PTPRM: variants seen among roughly 807,000 people sequenced by gnomAD.
PTPRM encodes receptor-type tyrosine-protein phosphatase mu.
PTPRM carries 47 observed loss-of-function variants against 186.7 expected under a neutral mutation model. The ratio of observed to expected loss-of-function variants is 0.25; its 90% CI spans 0.20 to 0.32. The LOEUF is 0.32. Ranked by LOEUF, PTPRM falls within the 10% of genes least tolerant of loss-of-function variation. The pLI is 1.00. For missense variants in PTPRM, 1,494 were observed against 1,865.0 expected (o/e 0.80, Z 3.66); for synonymous variants, 668 against 674.9 (o/e 0.99, Z 0.16).
intron 1 of PTPRM, among the ~76,000 whole-genome samples, chr18:7,680,740 CT>C (rs764012018): frequency 2.0e-5 from 3 of 152,184 alleles, no homozygotes; most frequent in Non-Finnish European, 2.9e-5. Flanking sequence ...TGGTTTTCGG[CT>C]TCCTGGTGAA....
chr18:8,333,181 C>T (rs189709399), intron 22 of PTPRM, among the ~76,000 whole-genome samples: 1 of 152,226 alleles, frequency 6.6e-6, no homozygotes, highest in East Asian at 1.9e-4. Context: ...AAATCATGTC[C>T]CTTATACCCA....
At chr18:8,079,875 T>G (rs1052242975) in intron 9 of PTPRM, among the ~76,000 whole-genome samples, 9 of 152,098 alleles carry the variant, frequency 5.9e-5, no homozygotes, top group Admixed American at 1.3e-4. Flanking sequence ...TTTTCAGCAC[T>G]TACAGCAGTC....
chr18:8,111,308 G>A (rs1056991637), intron 11 of PTPRM, among the ~76,000 whole-genome samples: 4 of 152,178 alleles, frequency 2.6e-5, no homozygotes, highest in African/African-American at 9.6e-5. Context: ...TTTGAAGGAA[G>A]TGATGTTAAA....
intron 1 of PTPRM, among the ~76,000 whole-genome samples, chr18:7,592,435 G>T (rs979520971): frequency 6.6e-6 from 1 of 152,198 alleles, no homozygotes; most frequent in African/African-American, 2.4e-5. Context: ...TGCCCCAAGG[G>T]TGTCATCAAA....
chr18:7,980,329 C>T (rs2082480229), intron 7 of PTPRM, among the ~76,000 whole-genome samples: 1 of 152,096 alleles, frequency 6.6e-6, no homozygotes, highest in African/African-American at 2.4e-5. Context: ...TTATTGCACC[C>T]ATGTTCACTC....
chr18:7,973,616 C>T (rs2054725799), intron 7 of PTPRM, among the ~76,000 whole-genome samples: 1 of 151,940 alleles, frequency 6.6e-6, no homozygotes, highest in South Asian at 2.1e-4. Context: ...CATATGTTTT[C>T]AAAATATTTT....
intron 7 of PTPRM, among the ~76,000 whole-genome samples, chr18:7,957,897 A>G (rs545415287): frequency 2.2e-4 from 34 of 152,316 alleles, no homozygotes; most frequent in Admixed American, 1.1e-3. Context: ...AGAGTACCTA[A>G]AGAGCAAATC....
chr18:8,163,807 A>G (rs1164322192), intron 14 of PTPRM, among the ~76,000 whole-genome samples: 3 of 152,332 alleles, frequency 2.0e-5, no homozygotes, highest in South Asian at 4.1e-4. Context: ...CCTAACACCA[A>G]CAATTATTTA....
At chr18:7,950,742 T>C (rs9949297) in intron 6 of PTPRM, among the ~76,000 whole-genome samples, 2,487 of 152,298 alleles carry the variant, frequency 0.016, 54 homozygotes, top group African/African-American at 0.057. Context: ...TCTGGTCCAG[T>C]CTGTCAGTGG....
At chr18:7,939,632 G>A (rs2052043825) in intron 5 of PTPRM, among the ~76,000 whole-genome samples, 1 of 152,098 alleles carries the variant, frequency 6.6e-6, no homozygotes, top group African/African-American at 2.4e-5. Context: ...TCATCATTAT[G>A]GTTATTTCAC....
Position 7,788,981 on chromosome 18 carries a change from T to C in PTPRM, c.196+14710T>C, listed in dbSNP as rs933245515. ...TTCTCCTTTTTTTTCAGTAAATACTTATGAAGTATGTACTGTGGAATAGCT... is the reference window on the plus strand; with the variant it reads ...TTCTCCTTTTTTTTCAGTAAATACTCATGAAGTATGTACTGTGGAATAGCT... On this transcript the variant is annotated intron_variant, in intron 2 of 32. Transcript: ENST00000580170. 2.8e-4 allele frequency among the ~76,000 whole-genome samples: 43 copies of C among 152,016 alleles called. 1 individual carries two copies. The highest frequency in any genetic ancestry group is 2.8e-3 in the Admixed American group (43 of 15,266).
rs541307909 is a variant in PTPRM, at chr18:8,079,126, T to C, written c.1551+2562T>C. Among the ~76,000 whole-genome samples the C allele has an allele frequency of 7.2e-5, 11 of 152,334 alleles. No individual in the cohort carries two copies. The South Asian group carries it at 2.3e-3, about 32-fold the overall frequency. ...ACAGCATTGTTTTTTCCAGGAGTTA[T>C]GGCAGTTCACAGCCTTACATCATTC... On this transcript the variant is annotated intron_variant, in intron 9 of 32. Coordinates refer to ENST00000580170, the MANE Select transcript of PTPRM (RefSeq NM_001105244.2).
chr18:7,747,809 C>T (rs532508389), intron 1 of PTPRM, among the ~76,000 whole-genome samples: 14 of 151,946 alleles, frequency 9.2e-5, no homozygotes, highest in South Asian at 2.1e-4. Context: ...TCTGAGGTCC[C>T]GAGGGGTTAG....
At chr18:7,775,014 G>A (rs1030723013) in intron 2 of PTPRM, among the ~76,000 whole-genome samples, 17 of 152,128 alleles carry the variant, frequency 1.1e-4, no homozygotes, top group African/African-American at 2.4e-4. Flanking sequence ...GAAACATGTT[G>A]TTCTGATTTG....
intron 20 of PTPRM, among the ~76,000 whole-genome samples, chr18:8,304,261 GTT>G (rs1184174745): frequency 6.6e-6 from 1 of 152,156 alleles, no homozygotes; most frequent in African/African-American, 2.4e-5. Flanking sequence ...TAAACGTAAT[GTT>G]ACCTGATGGA....
At chr18:7,585,312 G>A (rs374225483) in intron 1 of PTPRM, among the ~76,000 whole-genome samples, 1 of 152,172 alleles carries the variant, frequency 6.6e-6, no homozygotes, top group African/African-American at 2.4e-5. Context: ...GTGAGTTTTC[G>A]AAGGCTGTGG....
chr18:7,620,509 A>C (rs1296402741), intron 1 of PTPRM, among the ~76,000 whole-genome samples: 1 of 152,152 alleles, frequency 6.6e-6, no homozygotes, highest in Non-Finnish European at 1.5e-5. Flanking sequence ...GGAGATTCAC[A>C]TGCTTTCATC....
chr18:7,974,242 G>A (rs1162130754), intron 7 of PTPRM, among the ~76,000 whole-genome samples: 1 of 152,172 alleles, frequency 6.6e-6, no homozygotes, highest in African/African-American at 2.4e-5. Context: ...TAATATTTTT[G>A]AGCATCTGCT....
At chr18:8,268,940 G>A (rs2094736266) in intron 19 of PTPRM, among the ~76,000 whole-genome samples, 1 of 151,888 alleles carries the variant, frequency 6.6e-6, no homozygotes, top group African/African-American at 2.4e-5. Flanking sequence ...TATATGAAAG[G>A]CCGTATATAA....
Sources: gnomAD v4.1 joint callset for allele counts (sites outside exome capture counted in the v4.1 genomes callset) on GRCh38, gnomAD v4.1.1 for gene constraint, MANE v1.5 for transcripts, NCBI Gene and HGNC (gene_info 2026-07-23, HGNC 2026-07-21) for gene names.